Variants in GALNTL6 observed in about 807,000 individuals in gnomAD.
GALNTL6 encodes the protein polypeptide N-acetylgalactosaminyltransferase like 6.
A neutral mutation model predicts 73.7 loss-of-function variants in GALNTL6; 46 were observed. The observed-to-expected ratio is 0.62, with a 90% CI of 0.49 to 0.80. The LOEUF (loss-of-function observed/expected upper bound fraction) is 0.80. Among genes scored for constraint, GALNTL6 ranks in the 30% least tolerant of loss-of-function variants. The pLI is 0.00. For synonymous variants in GALNTL6, 259 were observed against 263.7 expected (o/e 0.98, Z 0.17); for missense variants, 604 against 755.0 (o/e 0.80, Z 2.34).
intron 2 of GALNTL6, among the ~76,000 whole-genome samples, chr4:172,051,882 C>G (rs1190607407): frequency 6.6e-6 from 1 of 152,060 alleles, no homozygotes; most frequent in Non-Finnish European, 1.5e-5. Flanking sequence ...TGGGAACTGA[C>G]AAAGCAAATA....
rs748563766 is a variant in GALNTL6 at position 173,021,575 on chromosome 4, C to T, written c.1588C>T (p.Leu530Phe). The change falls in exon 12 of 13, where the codon CTC becomes TTC. Residue 530 changes from leucine to phenylalanine, a missense_variant. By Grantham distance (22) the Leu-to-Phe change is conservative. Around this residue, in one of 5 missense-constraint regions of GALNTL6, gnomAD observed 261 missense variants for 296.5 expected, o/e 0.88. Coordinates refer to ENST00000506823, the MANE Select transcript of GALNTL6 (RefSeq NM_001034845.3). ...DAISHNSPVT[L>F]YDCHGMKGNQ... ...GATCTCACACAACAGCCCCGTTACA[C>T]TCTATGACTGTCATGGCATGAAGGG... 8 of 1,614,132 alleles carry T rather than the reference C, an allele frequency of 5.0e-6. No homozygotes were observed. The highest frequency in any genetic ancestry group is 6.8e-6 in the Non-Finnish European group (8 of 1,179,992).
At position 172,206,962 on chromosome 4, in the gene GALNTL6, C is replaced by T. The variant is rs905251864; in HGVS notation, c.139-22694C>T. On this transcript the variant is annotated intron_variant, in intron 2 of 12. Coordinates refer to ENST00000506823, the MANE Select transcript of GALNTL6 (RefSeq NM_001034845.3). ...CCTCCCGAGTAGCTGGGACTACAGGCACCCACCACCACGCCCGGCTAGTTT... is the reference window on the plus strand; with the variant it reads ...CCTCCCGAGTAGCTGGGACTACAGGTACCCACCACCACGCCCGGCTAGTTT... 3.3e-5 allele frequency among the ~76,000 whole-genome samples: 5 copies of T among 151,374 alleles called. No individual in the cohort carries two copies. In the East Asian group the frequency reaches 7.8e-4, roughly 24 times the overall value.
intron 2 of GALNTL6, among the ~76,000 whole-genome samples, chr4:172,037,956 A>G (rs902722577): frequency 5.3e-5 from 8 of 152,008 alleles, no homozygotes; most frequent in South Asian, 2.1e-4. Flanking sequence ...TGTCTCTACT[A>G]AAAAATACAA....
At chr4:172,963,942 A>G (rs1449631847) in intron 10 of GALNTL6, among the ~76,000 whole-genome samples, 1 of 152,236 alleles carries the variant, frequency 6.6e-6, no homozygotes, top group African/African-American at 2.4e-5. Flanking sequence ...GATTACAGTC[A>G]TATCTGATAT....
chr4:172,712,965 G>A (rs1398262838), intron 5 of GALNTL6, among the ~76,000 whole-genome samples: 3 of 151,940 alleles, frequency 2.0e-5, no homozygotes, highest in Non-Finnish European at 1.5e-5. Flanking sequence ...TTCCTTACGT[G>A]CAAAATGACC....
intron 5 of GALNTL6, among the ~76,000 whole-genome samples, chr4:172,718,031 A>G (rs1447577463): frequency 6.6e-6 from 1 of 152,256 alleles, no homozygotes; most frequent in East Asian, 1.9e-4. Flanking sequence ...TCAGCAACAT[A>G]ACTATAGTAT....
intron 2 of GALNTL6, among the ~76,000 whole-genome samples, chr4:171,868,705 G>A (rs370531329): frequency 6.6e-6 from 1 of 151,054 alleles, no homozygotes. Flanking sequence ...TTTTTTAGAC[G>A]GAGTCCTGCT....
At chr4:172,844,993 G>A (rs967835697) in intron 7 of GALNTL6, among the ~76,000 whole-genome samples, 40 of 151,888 alleles carry the variant, frequency 2.6e-4, no homozygotes, top group African/African-American at 7.7e-4. Flanking sequence ...AGGCCGGCAG[G>A]TCATGAGGTC....
At chr4:172,327,662 T>C (rs192038360) in intron 4 of GALNTL6, among the ~76,000 whole-genome samples, 1 of 152,278 alleles carries the variant, frequency 6.6e-6, no homozygotes, top group African/African-American at 2.4e-5. Context: ...TGTGTCTTTT[T>C]TTGATATTTG....
chr4:172,205,759 C>G lies in GALNTL6; in HGVS notation c.139-23897C>G, dbSNP rs900183103. ...GTCCCATTCTTACATGCAGAAGTTC[C>G]CTCTGAAGTGCACAGGCAATTTTAT... is the stretch of plus-strand genomic sequence containing the variant. On this transcript the variant is annotated intron_variant, in intron 2 of 12. Coordinates refer to ENST00000506823, the MANE Select transcript of GALNTL6 (RefSeq NM_001034845.3). Among the ~76,000 whole-genome samples, 6 of 152,256 alleles carry G rather than the reference C, an allele frequency of 3.9e-5. No homozygotes were observed. In the East Asian group the frequency reaches 1.2e-3, roughly 29 times the overall value.
intron 2 of GALNTL6, among the ~76,000 whole-genome samples, chr4:171,984,971 A>G (rs1365011078): frequency 3.3e-5 from 5 of 151,868 alleles, no homozygotes; most frequent in African/African-American, 1.2e-4. Context: ...AATTAGCAAA[A>G]TACAAAAATA....
At chr4:172,334,111 TTACTCTACTCTACTC>T (rs200282043) in intron 4 of GALNTL6, among the ~76,000 whole-genome samples, 3 of 151,966 alleles carry the variant, frequency 2.0e-5, no homozygotes, top group Admixed American at 2.0e-4. Context: ...TTACTACACT[TTACTCTACTCTACTC>T]TACTCTACTC....
intron 2 of GALNTL6, among the ~76,000 whole-genome samples, chr4:172,204,026 A>G (rs1368518240): frequency 1.3e-5 from 2 of 152,170 alleles, no homozygotes; most frequent in African/African-American, 2.4e-5. Context: ...GATTACAGGC[A>G]TGAGCCACTG....
chr4:172,905,753 A>G (rs1269501427), intron 8 of GALNTL6, among the ~76,000 whole-genome samples: 1 of 148,944 alleles, frequency 6.7e-6, no homozygotes, highest in East Asian at 2.0e-4. Context: ...GATGTTATAT[A>G]ATTACAATAT....
At chr4:171,886,504 T>G (rs887390728) in intron 2 of GALNTL6, among the ~76,000 whole-genome samples, 1 of 152,216 alleles carries the variant, frequency 6.6e-6, no homozygotes, top group Non-Finnish European at 1.5e-5. Context: ...ATATTTCTTA[T>G]GTTAATACAT....
intron 5 of GALNTL6, among the ~76,000 whole-genome samples, chr4:172,707,423 CTT>C (rs1734422759): frequency 6.6e-6 from 1 of 152,176 alleles, no homozygotes; most frequent in Non-Finnish European, 1.5e-5. Context: ...TATGCAGCCT[CTT>C]TTCACTACTT....
chr4:173,039,486 C>T (rs575788931), intron 12 of GALNTL6, among the ~76,000 whole-genome samples: 4 of 151,990 alleles, frequency 2.6e-5, no homozygotes, highest in African/African-American at 9.7e-5. Context: ...ATTGTGTGTG[C>T]GTGTGAGCAG....
chr4:172,695,142 C>T (rs1733605791), intron 5 of GALNTL6, among the ~76,000 whole-genome samples: 3 of 152,266 alleles, frequency 2.0e-5, no homozygotes, highest in Non-Finnish European at 2.9e-5. Context: ...AATGTCAGTC[C>T]TCTTTATCTT....
At chr4:172,143,768 A>G (rs1343209599) in intron 2 of GALNTL6, among the ~76,000 whole-genome samples, 1 of 152,036 alleles carries the variant, frequency 6.6e-6, no homozygotes, top group Non-Finnish European at 1.5e-5. Flanking sequence ...TTTATAGTCA[A>G]TACTTACTTA....
Sources: gnomAD v4.1 joint callset for allele counts (sites outside exome capture counted in the v4.1 genomes callset) on GRCh38, gnomAD v4.1.1 for gene constraint, gnomAD v4.1.1 regional missense constraint, MANE v1.5 for transcripts, NCBI Gene and HGNC (gene_info 2026-07-23, HGNC 2026-07-21) for gene names.